The following PPARD variants were observed in gnomAD, a reference collection of about 807,000 sequenced individuals.
The protein encoded by PPARD is peroxisome proliferator activated receptor delta, also known as peroxisome proliferator-activated receptor delta.
A neutral mutation model predicts 39.5 loss-of-function variants in PPARD; 6 were observed. The ratio of observed to expected loss-of-function variants is 0.15; its 90% CI spans 0.08 to 0.30. The LOEUF (loss-of-function observed/expected upper bound fraction) is 0.30, where lower values mean the gene tolerates loss of function less well. PPARD is among the 10% of genes least tolerant of loss of function. The pLI, the probability that PPARD is intolerant of heterozygous loss-of-function variation, is 1.00. For synonymous variants in PPARD, 210 were observed against 231.3 expected, an observed-to-expected ratio of 0.91 and a Z score of 0.83; for missense variants, 397 against 596.8, an observed-to-expected ratio of 0.67 and a Z score of 3.49.
intron 2 of PPARD, among the ~76,000 whole-genome samples, chr6:35,391,591 G>T (rs912057671): frequency 6.6e-6 from 1 of 152,192 alleles, no homozygotes; most frequent in African/African-American, 2.4e-5. Context: ...AGTGAACTTC[G>T]AAAGGAACTT....
At chr6:35,404,126 C>T (rs1328594212) in intron 2 of PPARD, among the ~76,000 whole-genome samples, 1 of 152,186 alleles carries the variant, frequency 6.6e-6, no homozygotes, top group African/African-American at 2.4e-5. Flanking sequence ...GACATGCCAG[C>T]TCCTGGTCCA....
intron 5 of PPARD, among the ~76,000 whole-genome samples, chr6:35,423,542 A>G (rs1766347722): frequency 6.6e-6 from 1 of 151,974 alleles, no homozygotes; most frequent in Admixed American, 6.5e-5. Context: ...CAAAAAAAAA[A>G]AAAGAAAAGA....
chr6:35,389,602 C>T (rs560091859), intron 2 of PPARD, among the ~76,000 whole-genome samples: 27 of 152,166 alleles, frequency 1.8e-4, no homozygotes, highest in East Asian at 5.8e-4. Flanking sequence ...CGTGAGCCAC[C>T]GCGCCCAGCC....
chr6:35,417,773 G>A (rs1581664373), intron 3 of PPARD, among the ~76,000 whole-genome samples: 1 of 150,948 alleles, frequency 6.6e-6, no homozygotes, highest in Non-Finnish European at 1.5e-5. Flanking sequence ...CTCGTGATCC[G>A]CCCGCGTCGG....
At chr6:35,422,276 A>C (rs1312608869) in intron 5 of PPARD, among the ~76,000 whole-genome samples, 1 of 152,176 alleles carries the variant, frequency 6.6e-6, no homozygotes, top group Non-Finnish European at 1.5e-5. Flanking sequence ...CAATTTGGGG[A>C]ACACCAGTCC....
intron 4 of PPARD, 137 bp downstream of exon 4, chr6:35,420,418 G>A: frequency 8.1e-7 from 1 of 1,233,422 alleles, no homozygotes; most frequent in Non-Finnish European, 1.1e-6. Flanking sequence ...GAGGCAGCCA[G>A]GCCCTTGTGC....
chr6:35,417,439 C>T (rs538581509), intron 3 of PPARD, among the ~76,000 whole-genome samples: 5 of 151,632 alleles, frequency 3.3e-5, no homozygotes, highest in South Asian at 4.2e-4. Flanking sequence ...GCAGGTGCCA[C>T]GACACCCAAC....
chr6:35,426,362 T>A lies in PPARD; in HGVS notation c.*283T>A. On this transcript the variant is annotated 3_prime_UTR_variant, in exon 8 of 8. Transcript: ENST00000360694. ...TTCTTCCTTTCTGTAGGTTTCTCTC[T>A]TCCCTTCTCCCTTGCCCTCCCTTTC... 1 of 488,924 alleles carries A rather than the reference T, an allele frequency of 2.0e-6. No homozygotes were observed. Among genetic ancestry groups the A allele is most frequent in the Non-Finnish European group, 3.7e-6 (1 of 271,668 alleles). The allele number at this position is 488,924 out of a possible 1,614,324, so 30.3% of individuals were successfully genotyped here.
At chr6:35,398,470 C>G (rs1764485801) in intron 2 of PPARD, among the ~76,000 whole-genome samples, 1 of 152,160 alleles carries the variant, frequency 6.6e-6, no homozygotes, top group Non-Finnish European at 1.5e-5. Flanking sequence ...TAGGCTTGTG[C>G]TGCCATTGGA....
Position 35,401,697 on chromosome 6 carries a change from CAT to C in PPARD, c.-101-9289_-101-9288del, listed in dbSNP as rs1474188860. Among the ~76,000 whole-genome samples, 28 of 152,246 alleles carry C rather than the reference CAT, an allele frequency of 1.8e-4. No individual in the cohort carries two copies. The highest frequency in any genetic ancestry group is 3.2e-3 in the Middle Eastern group (1 of 316). On this transcript the variant is annotated intron_variant, in intron 2 of 7. Coordinates refer to ENST00000360694, the MANE Select transcript of PPARD (RefSeq NM_006238.5). The surrounding 1 kb of genome is among the most constrained non-coding windows in gnomAD (Gnocchi z 4.1). ...GTCTCCTGGCCACTCGCACCTGACT[CAT>C]GTGCTCTGAGTGCCACACCTTGCTT... is the stretch of plus-strand genomic sequence containing the variant.
intron 2 of PPARD, among the ~76,000 whole-genome samples, chr6:35,382,304 G>A (rs904885484): frequency 4.6e-5 from 7 of 152,164 alleles, no homozygotes; most frequent in Admixed American, 2.0e-4. Flanking sequence ...GAATGGGGTC[G>A]TTGTCAGGAG....
intron 2 of PPARD, among the ~76,000 whole-genome samples, chr6:35,380,468 T>TTTGTTTG (rs1562190265): frequency 4.2e-5 from 4 of 94,880 alleles, no homozygotes; most frequent in African/African-American, 3.5e-4. Flanking sequence ...TGTTTTTTTT[T>TTTGTTTG]TTTGTTTGTT....
intron 1 of PPARD, among the ~76,000 whole-genome samples, chr6:35,346,513 C>T (rs1792194030): frequency 6.6e-6 from 1 of 152,208 alleles, no homozygotes; most frequent in African/African-American, 2.4e-5. Context: ...GCACATTTTT[C>T]TCTGCCGTTG....
intron 2 of PPARD, among the ~76,000 whole-genome samples, chr6:35,377,160 C>G (rs761577839): frequency 4.6e-5 from 7 of 152,196 alleles, no homozygotes; most frequent in Non-Finnish European, 1.0e-4. Flanking sequence ...AAGCCACAGG[C>G]AGGCTTTAAA....
intron 2 of PPARD, among the ~76,000 whole-genome samples, chr6:35,368,306 C>T (rs1005155479): frequency 5.9e-5 from 9 of 152,180 alleles, no homozygotes; most frequent in African/African-American, 2.4e-5. Flanking sequence ...TCCCTTTCTG[C>T]GCTTAGTGGC....
At chr6:35,396,493 C>T (rs1224676268) in intron 2 of PPARD, among the ~76,000 whole-genome samples, 2 of 148,700 alleles carry the variant, frequency 1.3e-5, no homozygotes, top group Admixed American at 6.6e-5. Flanking sequence ...CGTGAGCCAC[C>T]GCGCCTAGCC....
chr6:35,384,251 A>G (rs1332152318), intron 2 of PPARD, among the ~76,000 whole-genome samples: 1 of 97,310 alleles, frequency 1.0e-5, no homozygotes, highest in African/African-American at 4.7e-5. Flanking sequence ...CCGCCCCGTC[A>G]GGGAGGGAGG....
chr6:35,349,751 GT>G (rs1484891094), intron 2 of PPARD, among the ~76,000 whole-genome samples: 1 of 149,252 alleles, frequency 6.7e-6, no homozygotes, highest in Non-Finnish European at 1.5e-5. Context: ...TTTCTTTTTT[GT>G]TTTTTTGAGA....
rs1280337679 is a variant in PPARD, at chr6:35,412,319, C to T, written c.130+1102C>T. Reference sequence around the variant, plus strand: ...ACATGCAGCTCATCCTCGCTCCTCCCCTTAGAGGGAACTCAGGGTCATAAG... The same window carrying T: ...ACATGCAGCTCATCCTCGCTCCTCCTCTTAGAGGGAACTCAGGGTCATAAG... On this transcript the variant is annotated intron_variant, in intron 3 of 7. Transcript: ENST00000360694. This position sits in a 1 kb window ranked among gnomAD's most constrained non-coding sequence, Gnocchi z 4.1. 2.6e-5 allele frequency among the ~76,000 whole-genome samples: 4 copies of T among 152,338 alleles called. No individual in the cohort carries two copies. In the East Asian group the frequency reaches 7.7e-4, roughly 29 times the overall value.
Sources: gnomAD v4.1 joint callset for allele counts (sites outside exome capture counted in the v4.1 genomes callset) on GRCh38, gnomAD v4.1.1 for gene constraint, Gnocchi (gnomAD v3.1) non-coding constraint, MANE v1.5 for transcripts, NCBI Gene and HGNC (gene_info 2026-07-23, HGNC 2026-07-21) for gene names.